TMPRSS3: variants seen among roughly 807,000 people sequenced by gnomAD.
TMPRSS3 encodes transmembrane serine protease 3, also known as transmembrane protease serine 3.
TMPRSS3 carries 55 observed loss-of-function variants against 59.6 expected under a neutral mutation model. The observed-to-expected ratio is 0.92, with a 90% CI of 0.74 to 1.16. The LOEUF is 1.16. Ranked by LOEUF, TMPRSS3 falls within the 50% of genes most tolerant of loss-of-function variation. The pLI, the probability that TMPRSS3 is intolerant of heterozygous loss-of-function variation, is 0.00. For synonymous variants in TMPRSS3, 257 were observed against 237.7 expected (o/e 1.08, Z -0.75); for missense variants, 596 against 579.4 (o/e 1.03, Z -0.29).
intron 2 of TMPRSS3, among the ~76,000 whole-genome samples, chr21:42,392,403 G>T (rs1306715636): frequency 2.0e-5 from 3 of 152,242 alleles, no homozygotes; most frequent in Non-Finnish European, 4.4e-5. Context: ...GCACTTCGCA[G>T]ATGTGGAGGC....
intron 10 of TMPRSS3, among the ~76,000 whole-genome samples, chr21:42,379,767 C>T (rs1045559050): frequency 2.6e-5 from 4 of 152,094 alleles, no homozygotes; most frequent in African/African-American, 9.7e-5. Context: ...AAATACGAAT[C>T]TTTGAGTTCT....
At chr21:42,382,277 A>G (rs2052547860) in intron 8 of TMPRSS3, 43 bp from the exon 9 acceptor site, 1 of 1,570,764 alleles carries the variant, frequency 6.4e-7, no homozygotes, top group Non-Finnish European at 8.7e-7. Context: ...GAAAAGTCCA[A>G]CCACTGAACT....
Position 42,376,616 on chromosome 21 carries a change from C to T in TMPRSS3, c.1116G>A (p.Arg372=). ...GGGAGATGATGCCACCGTACACGTC[C>T]CTGTGGTTGCAGATCTTGTTGGAAA... ...PLISNKICNH[R]DVYGGIISPS... Residue 372 remains arginine (R), a synonymous_variant, in exon 11 of 13, where the codon AGG becomes AGA. Coordinates refer to ENST00000644384, the MANE Select transcript of TMPRSS3 (RefSeq NM_001256317.3). The T allele has an allele frequency of 3.7e-6, 6 of 1,614,084 alleles. No homozygotes were observed. The highest frequency in any genetic ancestry group is 5.1e-6 in the Non-Finnish European group (6 of 1,180,034).
At chr21:42,385,071 C>T (rs13046804) in intron 6 of TMPRSS3, among the ~76,000 whole-genome samples, 632 of 49,446 alleles carry the variant, frequency 0.013, 5 homozygotes, top group African/African-American at 0.053. Flanking sequence ...CTCCCTCCCT[C>T]CCTTCCTCTT....
intron 9 of TMPRSS3, among the ~76,000 whole-genome samples, chr21:42,381,267 G>A (rs1341064041): frequency 6.6e-6 from 1 of 152,336 alleles, no homozygotes; most frequent in South Asian, 2.1e-4. Flanking sequence ...TGTCCAGAGG[G>A]CAGGGCTTGA....
chr21:42,383,130 G>T lies in TMPRSS3; in HGVS notation c.685C>A (p.Pro229Thr). 6.2e-7 allele frequency: 1 copy of T among 1,614,190 alleles called. No individual in the cohort carries two copies. The highest frequency in any genetic ancestry group is 8.5e-7 in the Non-Finnish European group (1 of 1,180,036). The change falls in exon 8 of 13, where the codon CCC (proline) becomes ACC (threonine). Residue 229 changes from proline (P) to threonine (T), a missense_variant. Pro to Thr is a conservative substitution (Grantham distance 38, BLOSUM62 -1). Transcript: ENST00000644384. ...GGNMSLLSQW[P>T]WQASLQFQGY... ...TGGAACTGAAGGCTGGCCTGCCAGGGCCACTGCGAGAGCAAGGACATGTTT... is the reference window on the plus strand; with the variant it reads ...TGGAACTGAAGGCTGGCCTGCCAGGTCCACTGCGAGAGCAAGGACATGTTT...
intron 11 of TMPRSS3, among the ~76,000 whole-genome samples, chr21:42,376,252 T>TTCCCCGCCACCTGCC (rs2052426257): frequency 6.6e-6 from 1 of 152,052 alleles, no homozygotes; most frequent in Non-Finnish European, 1.5e-5. Flanking sequence ...GATTCACTGG[T>TTCCCCGCCACCTGCC]TCCCCGCCAC....
chr21:42,382,654 C>T, intron 8 of TMPRSS3: 1 of 400,958 alleles, frequency 2.5e-6, no homozygotes, highest in South Asian at 2.4e-5. Flanking sequence ...AGTACCTGGC[C>T]CCCAACATAT....
chr21:42,391,781 T>C (rs2052737919), intron 2 of TMPRSS3, among the ~76,000 whole-genome samples: 2 of 152,192 alleles, frequency 1.3e-5, no homozygotes, highest in South Asian at 4.1e-4. Context: ...AAAGCACCCA[T>C]GAAACTGTGG....
At chr21:42,375,212 TC>T (rs1167600858) in intron 12 of TMPRSS3, among the ~76,000 whole-genome samples, 1 of 35,842 alleles carries the variant, frequency 2.8e-5, no homozygotes, top group Non-Finnish European at 5.7e-5. Flanking sequence ...CTTCCACGCC[TC>T]CCCCTCCGGG....
At chr21:42,389,610 C>T (rs565199142) in intron 3 of TMPRSS3, among the ~76,000 whole-genome samples, 16 of 152,394 alleles carry the variant, frequency 1.0e-4, no homozygotes, top group African/African-American at 3.8e-4. Flanking sequence ...GTCTCTTTGT[C>T]TTCTCCCCGC....
At chr21:42,383,268 T>G in intron 7 of TMPRSS3, 70 bp from the exon 8 acceptor site, 2 of 1,531,810 alleles carry the variant, frequency 1.3e-6, no homozygotes, top group South Asian at 1.1e-5. Flanking sequence ...GTCACCACCA[T>G]GCACCTGCTC....
chr21:42,388,287 G>T lies in TMPRSS3; in HGVS notation c.446+116C>A. The T allele has an allele frequency of 2.2e-6, 3 of 1,384,784 alleles. No individual in the cohort carries two copies. The highest frequency in any genetic ancestry group is 1.8e-4 in the Middle Eastern group (1 of 5,626). 85.8% of individuals were successfully genotyped at this position (1,384,784 alleles called of 1,614,324 possible). On this transcript the variant is annotated intron_variant, in intron 5 of 12. Transcript: ENST00000644384. This position sits in a 1 kb window ranked among gnomAD's most constrained non-coding sequence, Gnocchi z 5.1. ...TCGGGCATCCTAAGGTGGATGTGAG[G>T]ATGTAATCTGAGAGCGTTAAAGCAC... is the stretch of plus-strand genomic sequence containing the variant.
At chr21:42,387,672 C>T (rs948026457) in intron 5 of TMPRSS3, among the ~76,000 whole-genome samples, 1 of 152,102 alleles carries the variant, frequency 6.6e-6, no homozygotes, top group Non-Finnish European at 1.5e-5. Flanking sequence ...ACCCCATCTA[C>T]TTGAGTGCAA....
At position 42,395,932 on chromosome 21, in the gene TMPRSS3, C is replaced by A. The variant is rs753223832; in HGVS notation, c.-52+10G>T. The A allele has an allele frequency of 3.9e-6, 2 of 518,776 alleles. No homozygotes were observed. Among genetic ancestry groups the A allele is most frequent in the Admixed American group, 1.9e-5 (1 of 51,572 alleles). 32.1% of individuals were successfully genotyped at this position (518,776 alleles called of 1,614,324 possible). A position where few individuals can be genotyped will look rare whatever the true frequency, so the allele number is the denominator to read the frequency against. On this transcript the variant is annotated intron_variant, in intron 1 of 12. Transcript: ENST00000644384. ...CACCTACCATAAGCATAAGTAGTTT[C>A]GGTACTCACATAATTCCCGAGTCCC...
chr21:42,388,986 T>G lies in TMPRSS3; in HGVS notation c.265A>C (p.Ile89Leu). The part of the protein sequence containing the change: ...CRSSFKCIEL[I>L]ARCDGVSDCK... ...TCCGAGACTCCGTCACATCGAGCTATCAGCTCGATACACTTAAAGGATGAG... is the reference window on the plus strand; with the variant it reads ...TCCGAGACTCCGTCACATCGAGCTAGCAGCTCGATACACTTAAAGGATGAG... Residue 89 changes from isoleucine (I) to leucine (L), a missense_variant, in exon 4 of 13, where the codon ATA (isoleucine) becomes CTA (leucine). Transcript: ENST00000644384. The surrounding 1 kb of genome is among the most constrained non-coding windows in gnomAD (Gnocchi z 5.1). 4 of 1,614,156 alleles carry G rather than the reference T, an allele frequency of 2.5e-6. No homozygotes were observed. The highest frequency in any genetic ancestry group is 1.6e-4 in the Middle Eastern group (1 of 6,062).
At chr21:42,395,868 GT>G (rs1163962469) in intron 1 of TMPRSS3, 73 bp downstream of exon 1, 1 of 483,680 alleles carries the variant, frequency 2.1e-6, no homozygotes, top group Non-Finnish European at 4.1e-6. Context: ...GTTTTCACCT[GT>G]CCCACATAAA....
At position 42,388,382 on chromosome 21, in the gene TMPRSS3, T is replaced by C. The variant is rs1425408451; in HGVS notation, c.446+21A>G. On this transcript the variant is annotated intron_variant, in intron 5 of 12. Coordinates refer to ENST00000644384, the MANE Select transcript of TMPRSS3 (RefSeq NM_001256317.3). This position sits in a 1 kb window ranked among gnomAD's most constrained non-coding sequence, Gnocchi z 5.1. ...TCCTCTCTGTGTTTTGCCCATGGGTTGGAAATGCTCTTTAACTTACCTTGG... is the reference window on the plus strand; with the variant it reads ...TCCTCTCTGTGTTTTGCCCATGGGTCGGAAATGCTCTTTAACTTACCTTGG... The C allele has an allele frequency of 6.2e-7, 1 of 1,614,228 alleles. No individual in the cohort carries two copies. The highest frequency in any genetic ancestry group is 1.7e-5 in the Admixed American group (1 of 60,028).
chr21:42,392,290 A>G (rs767649453), intron 2 of TMPRSS3, among the ~76,000 whole-genome samples: 3 of 152,178 alleles, frequency 2.0e-5, no homozygotes, highest in Non-Finnish European at 4.4e-5. Flanking sequence ...AAAGAAGAGA[A>G]TTTGAAGACA....
Sources: gnomAD v4.1 joint callset for allele counts (sites outside exome capture counted in the v4.1 genomes callset) on GRCh38, gnomAD v4.1.1 for gene constraint, Gnocchi (gnomAD v3.1) non-coding constraint, MANE v1.5 for transcripts, NCBI Gene and HGNC (gene_info 2026-07-23, HGNC 2026-07-21) for gene names.